The following METTL15 variants were observed in gnomAD, a reference collection of about 807,000 sequenced individuals.
METTL15 encodes the protein 12S rRNA N(4)-cytidine methyltransferase METTL15.
A neutral mutation model predicts 38.3 loss-of-function variants in METTL15; 34 were observed. That is an observed-to-expected ratio of 0.89 (90% CI 0.68 to 1.18). The LOEUF is 1.18. Among genes scored for constraint, METTL15 ranks in the 50% most tolerant of loss-of-function variants. METTL15 has a pLI of 0.00. For synonymous variants in METTL15, 162 were observed against 170.9 expected, an observed-to-expected ratio of 0.95 and a Z score of 0.41; for missense variants, 438 against 498.4, an observed-to-expected ratio of 0.88 and a Z score of 1.15.
chr11:28,514,779 A>G (rs899094413), intron 6 of METTL15, among the ~76,000 whole-genome samples: 1 of 152,248 alleles, frequency 6.6e-6, no homozygotes, highest in Admixed American at 6.5e-5. Context: ...ACTAGAAGTT[A>G]AATGAGAATT....
chr11:28,177,957 A>G (rs1488975674), intron 3 of METTL15, among the ~76,000 whole-genome samples: 1 of 151,962 alleles, frequency 6.6e-6, no homozygotes, highest in East Asian at 1.9e-4. Flanking sequence ...GAAGACAGTT[A>G]CTCTTATTAT....
chr11:28,227,597 A>G (rs1853533259), intron 4 of METTL15, among the ~76,000 whole-genome samples: 1 of 151,936 alleles, frequency 6.6e-6, no homozygotes, highest in Admixed American at 6.6e-5. Context: ...GATGATAGAA[A>G]GGGAGAGGAA....
chr11:28,387,064 G>C (rs1850448348), intron 5 of METTL15, among the ~76,000 whole-genome samples: 1 of 151,844 alleles, frequency 6.6e-6, no homozygotes, highest in Non-Finnish European at 1.5e-5. Flanking sequence ...GCAGTACTAA[G>C]GGCTCTGGAA....
chr11:28,313,656 A>T (rs1021318997), intron 6 of METTL15, among the ~76,000 whole-genome samples: 15 of 151,800 alleles, frequency 9.9e-5, no homozygotes, highest in African/African-American at 3.4e-4. Context: ...TGTTGGAGTG[A>T]TTGGATGTAT....
At chr11:28,386,800 C>T (rs902116793) in intron 5 of METTL15, among the ~76,000 whole-genome samples, 6 of 151,876 alleles carry the variant, frequency 4.0e-5, no homozygotes, top group African/African-American at 7.2e-5. Context: ...AAATAGATTC[C>T]GTGTTAGATC....
chr11:28,238,618 C>G (rs758740910), intron 4 of METTL15, among the ~76,000 whole-genome samples: 2 of 152,230 alleles, frequency 1.3e-5, no homozygotes, highest in Non-Finnish European at 2.9e-5. Context: ...ACCCACTGTC[C>G]TGCGCCCACT....
intron 6 of METTL15, among the ~76,000 whole-genome samples, chr11:28,300,382 G>A (rs1856872003): frequency 6.6e-6 from 1 of 152,078 alleles, no homozygotes; most frequent in Non-Finnish European, 1.5e-5. Flanking sequence ...AATTCAGTAG[G>A]ACAAGGAAGA....
intron 4 of METTL15, among the ~76,000 whole-genome samples, chr11:28,224,653 G>A (rs1251712327): frequency 6.6e-6 from 1 of 151,680 alleles, no homozygotes; most frequent in African/African-American, 2.4e-5. Flanking sequence ...TTTATTGGTT[G>A]TAGGGTATTT....
intron 4 of METTL15, among the ~76,000 whole-genome samples, chr11:28,272,206 TC>T (rs1250557646): frequency 6.6e-6 from 1 of 152,156 alleles, no homozygotes; most frequent in Non-Finnish European, 1.5e-5. Flanking sequence ...GACCCAGCAA[TC>T]CCATTACTGG....
intron 6 of METTL15, among the ~76,000 whole-genome samples, chr11:28,462,693 C>T (rs1851226281): frequency 6.6e-6 from 1 of 151,968 alleles, no homozygotes. Context: ...AGTGGGATAG[C>T]ATCTGAATGG....
chr11:28,130,797 C>A (rs1191372877), intron 3 of METTL15, among the ~76,000 whole-genome samples: 2 of 152,098 alleles, frequency 1.3e-5, no homozygotes, highest in Non-Finnish European at 2.9e-5. Context: ...GAGAGCTATT[C>A]TTGGTTAAGT....
intron 6 of METTL15, among the ~76,000 whole-genome samples, chr11:28,511,161 G>C (rs183920744): frequency 2.6e-5 from 4 of 152,278 alleles, no homozygotes; most frequent in South Asian, 2.1e-4. Flanking sequence ...TGGTATAGTT[G>C]ACCCTTGACC....
intron 4 of METTL15, among the ~76,000 whole-genome samples, chr11:28,271,386 G>T (rs1277677359): frequency 5.3e-5 from 8 of 152,020 alleles, no homozygotes; most frequent in African/African-American, 1.9e-4. Flanking sequence ...ACCTACTTAG[G>T]TTGGCATGAG....
At chr11:28,259,422 T>C (rs1855107950) in intron 4 of METTL15, among the ~76,000 whole-genome samples, 1 of 152,132 alleles carries the variant, frequency 6.6e-6, no homozygotes, top group Non-Finnish European at 1.5e-5. Context: ...AGTCCAGTGA[T>C]TCTGGGCCCA....
intron 6 of METTL15, among the ~76,000 whole-genome samples, chr11:28,482,460 G>T (rs909346122): frequency 4.6e-5 from 7 of 152,218 alleles, no homozygotes; most frequent in African/African-American, 1.7e-4. Context: ...GATGGTGTGT[G>T]ATGCAAAGTG....
chr11:28,452,145 G>A (rs1484351798), intron 6 of METTL15, among the ~76,000 whole-genome samples: 1 of 152,198 alleles, frequency 6.6e-6, no homozygotes, highest in African/African-American at 2.4e-5. Flanking sequence ...AAGTCAAGAG[G>A]AGAGAAAGCA....
At chr11:28,530,404 T>C (rs1431152244), downstream of METTL15, among the ~76,000 whole-genome samples, 2 of 152,180 alleles carry the variant, frequency 1.3e-5, no homozygotes, top group Non-Finnish European at 2.9e-5. Flanking sequence ...CTGGTTATTT[T>C]AAATCTCCTT....
intron 4 of METTL15, among the ~76,000 whole-genome samples, chr11:28,220,132 T>C (rs1453878542): frequency 6.6e-6 from 1 of 152,100 alleles, no homozygotes; most frequent in Non-Finnish European, 1.5e-5. Context: ...CTTTCTGTCT[T>C]GTTGATCTGT....
At chr11:28,323,102 C>A (rs761638425) in intron 6 of METTL15, among the ~76,000 whole-genome samples, 5 of 151,992 alleles carry the variant, frequency 3.3e-5, no homozygotes, top group Non-Finnish European at 4.4e-5. Flanking sequence ...AGGAAGTATA[C>A]CTCTTGGTTG....
Sources: allele counts gnomAD v4.1 joint callset (sites outside exome capture counted in the v4.1 genomes callset), GRCh38; gene constraint gnomAD v4.1.1; transcripts MANE v1.5; gene names NCBI Gene and HGNC (gene_info 2026-07-23, HGNC 2026-07-21).